Variants in REEP1 observed in about 807,000 individuals in gnomAD.
The protein encoded by REEP1 is receptor accessory protein 1.
REEP1 carries 22 observed loss-of-function variants against 40.3 expected under a neutral mutation model. That is an observed-to-expected ratio of 0.55 (90% CI 0.39 to 0.78). REEP1 has a LOEUF of 0.78. Ranked by LOEUF, REEP1 falls within the 30% of genes least tolerant of loss-of-function variation. REEP1 has a pLI of 0.00. For synonymous variants in REEP1, 116 were observed against 139.2 expected, an observed-to-expected ratio of 0.83 and a Z score of 1.17; for missense variants, 280 against 361.1, an observed-to-expected ratio of 0.78 and a Z score of 1.82.
At chr2:86,261,750 G>A (rs1466042896) in intron 3 of REEP1, among the ~76,000 whole-genome samples, 2 of 152,236 alleles carry the variant, frequency 1.3e-5, no homozygotes, top group African/African-American at 2.4e-5. Flanking sequence ...ATTAGTATAA[G>A]AGGAAGGCAT....
At chr2:86,279,477 G>C (rs1677939926) in intron 2 of REEP1, among the ~76,000 whole-genome samples, 1 of 152,174 alleles carries the variant, frequency 6.6e-6, no homozygotes, top group Admixed American at 6.5e-5. Context: ...TAGGAGGTGT[G>C]ATAGGCACAA....
chr2:86,284,845 G>T (rs936218781), intron 1 of REEP1, among the ~76,000 whole-genome samples: 1 of 152,160 alleles, frequency 6.6e-6, no homozygotes, highest in Non-Finnish European at 1.5e-5. Flanking sequence ...GGAGTGAGCT[G>T]GTTGCCAGCA....
chr2:86,250,308 C>T (rs115351262), intron 5 of REEP1, among the ~76,000 whole-genome samples: 3 of 152,138 alleles, frequency 2.0e-5, no homozygotes, highest in Admixed American at 6.5e-5. Flanking sequence ...AGAGCAGCAG[C>T]CTGTTTTCCT....
intron 1 of REEP1, among the ~76,000 whole-genome samples, chr2:86,291,018 C>A (rs997278483): frequency 2.6e-5 from 4 of 152,152 alleles, no homozygotes; most frequent in Non-Finnish European, 5.9e-5. Flanking sequence ...TCACTTTTAA[C>A]CTTCATGTGA....
intron 2 of REEP1, chr2:86,279,941 T>C (rs1677974868): frequency 3.9e-5 from 18 of 456,010 alleles, no homozygotes; most frequent in South Asian, 2.8e-4. Flanking sequence ...AAAAAACTAA[T>C]ATAGGAGGCT....
Position 86,216,702 on chromosome 2 carries a change from T to C in REEP1, c.*337A>G. Reference sequence around the variant, plus strand: ...GTATGCAACAGATAAATTACAAATGTACATCTCAGCAGCATAGGGGTGATT... The same window carrying C: ...GTATGCAACAGATAAATTACAAATGCACATCTCAGCAGCATAGGGGTGATT... On this transcript the variant is annotated 3_prime_UTR_variant, in exon 9 of 9. Transcript: ENST00000538924. 4.3e-6 allele frequency: 1 copy of C among 233,830 alleles called. No individual in the cohort carries two copies. Among genetic ancestry groups the C allele is most frequent in the Non-Finnish European group, 8.5e-6 (1 of 117,676 alleles). The allele number at this position is 233,830 out of a possible 1,614,324, so 14.5% of individuals were successfully genotyped here.
chr2:86,330,915 C>G (rs1051205326), intron 1 of REEP1, among the ~76,000 whole-genome samples: 4 of 152,194 alleles, frequency 2.6e-5, no homozygotes, highest in African/African-American at 7.2e-5. Context: ...GTTCCTGCAG[C>G]ATACCCCAGT....
At chr2:86,311,116 T>C (rs889255612) in intron 1 of REEP1, among the ~76,000 whole-genome samples, 1 of 152,166 alleles carries the variant, frequency 6.6e-6, no homozygotes, top group African/African-American at 2.4e-5. Context: ...GGAATAGTCA[T>C]AGGAACTGAA....
chr2:86,333,954 G>A (rs1478321135), intron 1 of REEP1, among the ~76,000 whole-genome samples: 1 of 152,190 alleles, frequency 6.6e-6, no homozygotes, highest in African/African-American at 2.4e-5. Context: ...CTCACTCTAA[G>A]AGCCTTGCCC....
chr2:86,250,733 TC>T (rs1676228189), intron 5 of REEP1, among the ~76,000 whole-genome samples: 2 of 152,184 alleles, frequency 1.3e-5, no homozygotes, highest in Admixed American at 1.3e-4. Context: ...TGGTTCCCCT[TC>T]CCTCTTGTCC....
intron 1 of REEP1, among the ~76,000 whole-genome samples, chr2:86,322,908 T>A (rs888648788): frequency 3.3e-5 from 5 of 151,316 alleles, no homozygotes; most frequent in Admixed American, 2.6e-4. Context: ...GAGTGAGATG[T>A]TGTCTCTAAA....
At chr2:86,314,085 TG>T in intron 1 of REEP1, among the ~76,000 whole-genome samples, 1 of 152,168 alleles carries the variant, frequency 6.6e-6, no homozygotes, top group East Asian at 1.9e-4. Flanking sequence ...AAGAAAAGGC[TG>T]ACCCACAGTG....
intron 2 of REEP1, among the ~76,000 whole-genome samples, chr2:86,278,252 A>G (rs1331821984): frequency 1.3e-5 from 2 of 152,200 alleles, no homozygotes. Context: ...TTCTAAGTAT[A>G]GATTTTAATA....
At chr2:86,252,123 T>G in intron 4 of REEP1, 53 bp from the exon 5 acceptor site, 1 of 1,248,522 alleles carries the variant, frequency 8.0e-7, no homozygotes, top group Non-Finnish European at 1.2e-6. Context: ...AACACATCTC[T>G]GTTTTCTTTC....
At chr2:86,295,272 G>A (rs1447695869) in intron 1 of REEP1, among the ~76,000 whole-genome samples, 3 of 152,122 alleles carry the variant, frequency 2.0e-5, no homozygotes, top group Admixed American at 6.5e-5. Context: ...AGACTGGGGC[G>A]GGAACCCACC....
chr2:86,281,878 TGA>T (rs1399151532), intron 2 of REEP1, among the ~76,000 whole-genome samples: 1 of 152,156 alleles, frequency 6.6e-6, no homozygotes, highest in Non-Finnish European at 1.5e-5. Flanking sequence ...AAATCAAGGC[TGA>T]GAGAGGTGAA....
In REEP1 at chr2:86,337,455, G is replaced by T. The variant is rs1249771060; in HGVS notation, c.32+24C>A. 1.3e-5 allele frequency: 16 copies of T among 1,257,076 alleles called. No individual in the cohort carries two copies. The highest frequency in any genetic ancestry group is 1.6e-5 in the Non-Finnish European group (16 of 996,810). The allele number at this position is 1,257,076 out of a possible 1,614,324, so 77.9% of individuals were successfully genotyped here. A position where few individuals can be genotyped will look rare whatever the true frequency, so the allele number is the denominator to read the frequency against. On this transcript the variant is annotated intron_variant, in intron 1 of 8. Transcript: ENST00000538924. This position sits in a 1 kb window ranked among gnomAD's most constrained non-coding sequence, Gnocchi z 5.8. ...GGGGCGGGGAGGGAGGGGACGGAGGGGCGCGGGGGAGAAGGCCACTTACAC... is the reference window on the plus strand; with the variant it reads ...GGGGCGGGGAGGGAGGGGACGGAGGTGCGCGGGGGAGAAGGCCACTTACAC...
At chr2:86,304,802 T>C (rs1167897639) in intron 1 of REEP1, among the ~76,000 whole-genome samples, 1 of 152,154 alleles carries the variant, frequency 6.6e-6, no homozygotes, top group Non-Finnish European at 1.5e-5. Flanking sequence ...CCCAAAATGC[T>C]CTCAGATTTT....
At chr2:86,325,980 G>A (rs1162209416) in intron 1 of REEP1, among the ~76,000 whole-genome samples, 1 of 152,152 alleles carries the variant, frequency 6.6e-6, no homozygotes, top group Non-Finnish European at 1.5e-5. Context: ...TGTCCCCCCG[G>A]TAGGAAGACA....
Sources: gnomAD v4.1 joint callset for allele counts (sites outside exome capture counted in the v4.1 genomes callset) on GRCh38, gnomAD v4.1.1 for gene constraint, Gnocchi (gnomAD v3.1) non-coding constraint, MANE v1.5 for transcripts, NCBI Gene and HGNC (gene_info 2026-07-23, HGNC 2026-07-21) for gene names.